Variants in ASAP1 observed in about 807,000 individuals in gnomAD.
ASAP1 encodes the protein arf-GAP with SH3 domain, ANK repeat and PH domain-containing protein 1.
ASAP1 carries 43 observed loss-of-function variants against 145.2 expected under a neutral mutation model. That is an observed-to-expected ratio of 0.30 (90% CI 0.23 to 0.38). The LOEUF (loss-of-function observed/expected upper bound fraction) is 0.38, where lower values mean the gene tolerates loss of function less well. Among genes scored for constraint, ASAP1 ranks in the 10% least tolerant of loss-of-function variants. The pLI is 1.00. For missense variants in ASAP1, 1,018 were observed against 1,355.3 expected (o/e 0.75, Z 3.91); for synonymous variants, 546 against 515.5 (o/e 1.06, Z -0.80).
At chr8:130,197,443 C>T (rs1178026502) in intron 5 of ASAP1, among the ~76,000 whole-genome samples, 1 of 144,930 alleles carries the variant, frequency 6.9e-6, no homozygotes, top group East Asian at 2.4e-4. Flanking sequence ...AACAGACTGT[C>T]TCAAAAGAAA....
intron 13 of ASAP1, among the ~76,000 whole-genome samples, chr8:130,137,283 T>C (rs2135821739): frequency 6.6e-6 from 1 of 152,352 alleles, no homozygotes; most frequent in Non-Finnish European, 1.5e-5. Context: ...TTATCCCAGT[T>C]GAATTCTGAA....
rs115624700 is a variant in ASAP1 at position 130,159,181 on chromosome 8, G to A, written c.1010+683C>T. 7.8e-3 allele frequency among the ~76,000 whole-genome samples: 1,191 copies of A among 152,240 alleles called. 17 individuals are homozygous for A. The highest frequency in any genetic ancestry group is 0.027 in the African/African-American group (1,140 of 41,534). ...GCTCACCCTAGAGCAGGGGCTGAGGGGATGGCAAGAGTATATTACTTTCAG... is the reference window on the plus strand; with the variant it reads ...GCTCACCCTAGAGCAGGGGCTGAGGAGATGGCAAGAGTATATTACTTTCAG... On this transcript the variant is annotated intron_variant, in intron 12 of 29. Coordinates refer to ENST00000518721, the MANE Select transcript of ASAP1 (RefSeq NM_018482.4).
intron 4 of ASAP1, among the ~76,000 whole-genome samples, chr8:130,218,311 T>C (rs1329021474): frequency 6.6e-6 from 1 of 152,222 alleles, no homozygotes; most frequent in African/African-American, 2.4e-5. Context: ...AATAGGTATA[T>C]AGGCTGCTTT....
intron 3 of ASAP1, among the ~76,000 whole-genome samples, chr8:130,340,240 G>A (rs1825291298): frequency 6.6e-6 from 1 of 152,168 alleles, no homozygotes; most frequent in Non-Finnish European, 1.5e-5. Flanking sequence ...TGTCTACAAG[G>A]CAAAGGGGAA....
chr8:130,072,824 T>TGTGTGTGCGC, intron 27 of ASAP1, among the ~76,000 whole-genome samples: 3 of 32,314 alleles, frequency 9.3e-5, no homozygotes, highest in Admixed American at 3.6e-4. Flanking sequence ...TGTGTGTGTG[T>TGTGTGTGCGC]GCGCGCGGGG....
At chr8:130,392,244 C>G (rs543191301) in intron 2 of ASAP1, among the ~76,000 whole-genome samples, 2 of 152,360 alleles carry the variant, frequency 1.3e-5, no homozygotes, top group African/African-American at 4.8e-5. Flanking sequence ...CTCTCATACA[C>G]ACTCCTAAAG....
At chr8:130,371,389 A>G (rs1172320053) in intron 2 of ASAP1, among the ~76,000 whole-genome samples, 1 of 152,220 alleles carries the variant, frequency 6.6e-6, no homozygotes, top group Non-Finnish European at 1.5e-5. Flanking sequence ...CTGATGTGGC[A>G]GGACTACCAG....
intron 7 of ASAP1, among the ~76,000 whole-genome samples, chr8:130,186,802 GTCATACATGC>G (rs1454142664): frequency 4.6e-5 from 7 of 152,096 alleles, no homozygotes; most frequent in Non-Finnish European, 7.3e-5. Flanking sequence ...CTGTGAAGAG[GTCATACATGC>G]AAAAAACACT....
intron 27 of ASAP1, among the ~76,000 whole-genome samples, chr8:130,075,045 T>C (rs541852669): frequency 5.9e-5 from 9 of 151,992 alleles, no homozygotes; most frequent in Admixed American, 1.3e-4. Context: ...TAAAGCCCCA[T>C]GGGCACTGGG....
At chr8:130,100,290 C>G (rs763979412) in intron 24 of ASAP1, among the ~76,000 whole-genome samples, 2 of 151,938 alleles carry the variant, frequency 1.3e-5, no homozygotes, top group Non-Finnish European at 2.9e-5. Flanking sequence ...TTTTCATATA[C>G]TTATTAGCCA....
intron 3 of ASAP1, among the ~76,000 whole-genome samples, chr8:130,322,873 G>A (rs931169759): frequency 2.6e-5 from 4 of 152,184 alleles, no homozygotes; most frequent in African/African-American, 9.7e-5. Flanking sequence ...TCATTTCCAG[G>A]CCAGGGAGAC....
chr8:130,091,823 G>A (rs545877663), intron 25 of ASAP1, 150 bp downstream of exon 25: 4 of 827,462 alleles, frequency 4.8e-6, no homozygotes, highest in East Asian at 6.0e-5. Flanking sequence ...TAAGAGACAG[G>A]TAGAATCATG....
chr8:130,068,508 G>A (rs879557452), intron 27 of ASAP1, among the ~76,000 whole-genome samples: 4 of 152,180 alleles, frequency 2.6e-5, no homozygotes, highest in Admixed American at 2.0e-4. Flanking sequence ...TTACTAAAAC[G>A]CACTGTAAGA....
At chr8:130,076,027 T>C (rs532081241) in intron 27 of ASAP1, among the ~76,000 whole-genome samples, 22 of 152,206 alleles carry the variant, frequency 1.4e-4, no homozygotes, top group Non-Finnish European at 2.6e-4. Context: ...AGCTACTAAG[T>C]GGTAGAGCTG....
intron 27 of ASAP1, among the ~76,000 whole-genome samples, chr8:130,072,842 GTTTT>G (rs2097452555): frequency 3.4e-5 from 1 of 29,004 alleles, no homozygotes; most frequent in Admixed American, 4.8e-4. Flanking sequence ...GGGGGGGGCA[GTTTT>G]GGGGACTGAG....
intron 19 of ASAP1, 113 bp from the exon 20 acceptor site, chr8:130,118,359 T>C (rs2097559815): frequency 7.5e-7 from 1 of 1,330,170 alleles, no homozygotes; most frequent in Non-Finnish European, 1.0e-6. Flanking sequence ...TTCACTCTCA[T>C]ATTCTCTTGA....
intron 3 of ASAP1, among the ~76,000 whole-genome samples, chr8:130,269,393 C>T (rs558259724): frequency 1.3e-5 from 2 of 152,190 alleles, no homozygotes; most frequent in South Asian, 2.1e-4. Flanking sequence ...AGGAAGCAAA[C>T]AAAAAAATTG....
intron 27 of ASAP1, among the ~76,000 whole-genome samples, chr8:130,067,477 C>T (rs1171422992): frequency 2.6e-5 from 4 of 152,186 alleles, no homozygotes; most frequent in Admixed American, 2.6e-4. Context: ...CTCACTACTA[C>T]CTCGACCTCT....
intron 3 of ASAP1, among the ~76,000 whole-genome samples, chr8:130,335,301 C>T (rs1447284413): frequency 6.6e-6 from 1 of 152,180 alleles, no homozygotes; most frequent in African/African-American, 2.4e-5. Context: ...TAGATTGCTT[C>T]ATGTAATCCT....
Sources: gnomAD v4.1 joint callset for allele counts (sites outside exome capture counted in the v4.1 genomes callset) on GRCh38, gnomAD v4.1.1 for gene constraint, MANE v1.5 for transcripts, NCBI Gene and HGNC (gene_info 2026-07-23, HGNC 2026-07-21) for gene names.